Variants in UMAD1 observed in about 807,000 individuals in gnomAD.
The protein encoded by UMAD1 is UBAP1-MVB12-associated (UMA)-domain containing protein 1.
UMAD1 carries 8 observed loss-of-function variants against 6.1 expected under a neutral mutation model. The ratio of observed to expected loss-of-function variants is 1.30; its 90% confidence interval spans 0.76 to 2.35. The LOEUF (loss-of-function observed/expected upper bound fraction) is 2.35, where lower values mean the gene tolerates loss of function less well. Among genes scored for constraint, UMAD1 ranks in the 30% most tolerant of loss-of-function variants. The pLI is 0.00. For missense variants in UMAD1, 130 were observed against 78.4 expected (o/e 1.66, Z -2.49); for synonymous variants, 56 against 31.4 (o/e 1.78, Z -2.61).
At chr7:7,761,075 G>T (rs1449985018) in intron 2 of UMAD1, among the ~76,000 whole-genome samples, 1 of 152,060 alleles carries the variant, frequency 6.6e-6, no homozygotes, top group Non-Finnish European at 1.5e-5. Context: ...TTATGAAAAG[G>T]TCACCCCAGC....
intron 2 of UMAD1, among the ~76,000 whole-genome samples, chr7:7,772,756 T>G (rs898135558): frequency 3.9e-5 from 6 of 152,136 alleles, no homozygotes; most frequent in African/African-American, 1.2e-4. Flanking sequence ...CACAAAAACA[T>G]TTGCTTTTTA....
chr7:7,814,712 C>A (rs768787997), intron 3 of UMAD1, among the ~76,000 whole-genome samples: 4 of 151,954 alleles, frequency 2.6e-5, no homozygotes, highest in Non-Finnish European at 5.9e-5. Flanking sequence ...TCTTTTGCTC[C>A]TCTTTCAAAT....
chr7:7,735,188 G>A (rs1781327288), intron 2 of UMAD1, among the ~76,000 whole-genome samples: 1 of 152,074 alleles, frequency 6.6e-6, no homozygotes, highest in Non-Finnish European at 1.5e-5. Context: ...GTTGACATTG[G>A]TAACACACCA....
chr7:7,767,600 A>C (rs1038456871), intron 2 of UMAD1, among the ~76,000 whole-genome samples: 1 of 152,228 alleles, frequency 6.6e-6, no homozygotes, highest in African/African-American at 2.4e-5. Flanking sequence ...ATTTTGTAGT[A>C]AAGTGCCAGC....
At chr7:7,835,524 G>A (rs1316319575) in intron 3 of UMAD1, among the ~76,000 whole-genome samples, 2 of 125,982 alleles carry the variant, frequency 1.6e-5, no homozygotes, top group Non-Finnish European at 3.2e-5. Flanking sequence ...ATATAGAAGT[G>A]AGCAGGACAG....
intron 3 of UMAD1, among the ~76,000 whole-genome samples, chr7:7,818,698 A>G (rs900529386): frequency 3.3e-5 from 5 of 152,234 alleles, no homozygotes; most frequent in Non-Finnish European, 7.3e-5. Context: ...TCTATTATAA[A>G]GACACGTGCA....
intron 2 of UMAD1, among the ~76,000 whole-genome samples, chr7:7,684,762 TA>T (rs1780000698): frequency 6.6e-6 from 1 of 152,216 alleles, no homozygotes. Flanking sequence ...TTAACACCCG[TA>T]AACTTTTCAA....
At chr7:7,704,951 A>C (rs1780561748) in intron 2 of UMAD1, among the ~76,000 whole-genome samples, 1 of 152,146 alleles carries the variant, frequency 6.6e-6, no homozygotes, top group Non-Finnish European at 1.5e-5. Flanking sequence ...CTGAATGAAA[A>C]GAAGATTCTG....
chr7:7,685,792 T>G (rs1416831482), intron 2 of UMAD1: 1 of 152,256 alleles, frequency 6.6e-6, no homozygotes, highest in African/African-American at 2.4e-5. Context: ...TTAAGTGTTT[T>G]CTTCCTTCAT....
chr7:7,802,057 G>A (rs561645027), intron 3 of UMAD1, among the ~76,000 whole-genome samples: 1 of 152,354 alleles, frequency 6.6e-6, no homozygotes, highest in African/African-American at 2.4e-5. Flanking sequence ...TAAATAGGCA[G>A]TATATTAACT....
At chr7:7,786,179 T>C (rs920567613) in intron 2 of UMAD1, among the ~76,000 whole-genome samples, 1 of 152,216 alleles carries the variant, frequency 6.6e-6, no homozygotes, top group Non-Finnish European at 1.5e-5. Flanking sequence ...AAGGATCCAG[T>C]CTAGAATCAC....
chr7:7,794,693 A>C (rs1280196534), intron 2 of UMAD1, among the ~76,000 whole-genome samples: 1 of 152,192 alleles, frequency 6.6e-6, no homozygotes, highest in African/African-American at 2.4e-5. Context: ...GCAGACCCTG[A>C]AGGAAATAAA....
chr7:7,661,081 A>G (rs527815741), intron 1 of UMAD1, among the ~76,000 whole-genome samples: 158 of 151,868 alleles, frequency 1.0e-3, no homozygotes, highest in South Asian at 3.9e-3. Context: ...AATCTCTGAT[A>G]TCCTTTCTTC....
chr7:7,786,697 C>A (rs1469651801), intron 2 of UMAD1, among the ~76,000 whole-genome samples: 2 of 152,192 alleles, frequency 1.3e-5, no homozygotes, highest in Non-Finnish European at 2.9e-5. Flanking sequence ...ATACTTTGCT[C>A]TTGCCTTAGA....
chr7:7,716,272 AG>A (rs1237211252), intron 2 of UMAD1, among the ~76,000 whole-genome samples: 1 of 152,228 alleles, frequency 6.6e-6, no homozygotes, highest in African/African-American at 2.4e-5. Context: ...CAACATGGGA[AG>A]GAACAATGCC....
chr7:7,691,164 T>A (rs1780164643), intron 2 of UMAD1, among the ~76,000 whole-genome samples: 1 of 152,216 alleles, frequency 6.6e-6, no homozygotes, highest in Admixed American at 6.5e-5. Flanking sequence ...TGATGGAATT[T>A]TAGGTTTTTC....
At chr7:7,871,389 A>T (rs1050422866) in intron 3 of UMAD1, among the ~76,000 whole-genome samples, 3 of 152,318 alleles carry the variant, frequency 2.0e-5, no homozygotes, top group Middle Eastern at 3.4e-3. Context: ...TAGAGCTTTA[A>T]TGGTCATTGG....
At chr7:7,729,225 G>A (rs1781199940) in intron 2 of UMAD1, among the ~76,000 whole-genome samples, 1 of 152,188 alleles carries the variant, frequency 6.6e-6, no homozygotes, top group Non-Finnish European at 1.5e-5. Flanking sequence ...TGTGCAGAGA[G>A]CCAGGATGGA....
rs1163836896 is a variant in UMAD1, at chr7:7,878,536, A to C, written c.*998A>C. 1.3e-5 allele frequency: 2 copies of C among 152,240 alleles called. No homozygotes were observed. The highest frequency in any genetic ancestry group is 2.9e-5 in the Non-Finnish European group (2 of 68,034). 9.4% of individuals were successfully genotyped at this position (152,240 alleles called of 1,614,324 possible). ...TGAATATCCATTACTTACTTTAATGAAAACAGAACTGCCATTGGTCAATAA... is the reference window on the plus strand; with the variant it reads ...TGAATATCCATTACTTACTTTAATGCAAACAGAACTGCCATTGGTCAATAA... On this transcript the variant is annotated 3_prime_UTR_variant, in exon 4 of 4. Coordinates refer to ENST00000682710, the MANE Select transcript of UMAD1 (RefSeq NM_001302348.2).
Sources: gnomAD v4.1 joint callset for allele counts (sites outside exome capture counted in the v4.1 genomes callset) on GRCh38, gnomAD v4.1.1 for gene constraint, MANE v1.5 for transcripts, NCBI Gene and HGNC (gene_info 2026-07-23, HGNC 2026-07-21) for gene names.